SYT9: variants seen among roughly 807,000 people sequenced by gnomAD.
SYT9 encodes the protein synaptotagmin 9.
A neutral mutation model predicts 48.4 loss-of-function variants in SYT9; 22 were observed. The observed-to-expected ratio is 0.45, with a 90% CI of 0.32 to 0.65. The LOEUF (loss-of-function observed/expected upper bound fraction) is 0.65. Among genes scored for constraint, SYT9 ranks in the 30% least tolerant of loss-of-function variants. The pLI is 0.03. For synonymous variants in SYT9, 265 were observed against 245.0 expected (o/e 1.08, Z -0.76); for missense variants, 577 against 622.0 (o/e 0.93, Z 0.77).
At chr11:7,247,586 T>TGTATATATACGTATATATACATATATAC (rs1847807783), upstream of SYT9, among the ~76,000 whole-genome samples, 1 of 147,390 alleles carries the variant, frequency 6.8e-6, no homozygotes, top group Non-Finnish European at 1.5e-5. Flanking sequence ...TACATATATA[T>TGTATATATACGTATATATACATATATAC]GTGTATATAT....
chr11:7,343,212 C>G (rs1485881687), intron 3 of SYT9, among the ~76,000 whole-genome samples: 2 of 152,232 alleles, frequency 1.3e-5, no homozygotes, highest in Non-Finnish European at 2.9e-5. Context: ...ATGCAAATTT[C>G]TACAGCAGGC....
chr11:7,349,240 G>T (rs187166448), intron 3 of SYT9, among the ~76,000 whole-genome samples: 1 of 152,076 alleles, frequency 6.6e-6, no homozygotes, highest in Admixed American at 6.5e-5. Flanking sequence ...TCTAGTTGGG[G>T]TGATGCCAGC....
At chr11:7,447,858 G>C (rs1445134085) in intron 6 of SYT9, among the ~76,000 whole-genome samples, 1 of 152,212 alleles carries the variant, frequency 6.6e-6, no homozygotes, top group Non-Finnish European at 1.5e-5. Context: ...TAGGTGCCCA[G>C]TGTTGGCTGA....
chr11:7,412,424 C>A (rs762528764), intron 3 of SYT9, among the ~76,000 whole-genome samples: 2 of 152,176 alleles, frequency 1.3e-5, no homozygotes, highest in African/African-American at 2.4e-5. Context: ...AGCGTAGTTT[C>A]TGTATGATCT....
chr11:7,468,687 A>T lies in SYT9; in HGVS notation c.*1887A>T, dbSNP rs79676614. On this transcript the variant is annotated 3_prime_UTR_variant, in exon 7 of 7. Coordinates refer to ENST00000318881, the MANE Select transcript of SYT9 (RefSeq NM_175733.4). ...CAGGCAGCAATCCCAATAAATTCTG[A>T]CATGTCCTTGGCAATGGAAGCCTGG... 91 of 173,606 alleles carry T rather than the reference A, an allele frequency of 5.2e-4. No individual in the cohort carries two copies. The highest frequency in any genetic ancestry group is 2.0e-3 in the African/African-American group (86 of 42,504). 10.8% of individuals were successfully genotyped at this position (173,606 alleles called of 1,614,324 possible). A position where few individuals can be genotyped will look rare whatever the true frequency, so the allele number is the denominator to read the frequency against.
intron 3 of SYT9, among the ~76,000 whole-genome samples, chr11:7,385,826 T>C (rs1222069510): frequency 1.3e-5 from 2 of 152,182 alleles, no homozygotes; most frequent in African/African-American, 4.8e-5. Context: ...GGAGAGCAAA[T>C]GTTTCTACTT....
intron 6 of SYT9, chr11:7,465,827 GA>G: frequency 5.5e-6 from 1 of 182,492 alleles, no homozygotes; most frequent in Non-Finnish European, 1.1e-5. Context: ...AGCAGCAAGA[GA>G]AAATGAGGAA....
chr11:7,301,848 G>A (rs1363074285), intron 1 of SYT9, among the ~76,000 whole-genome samples: 1 of 152,152 alleles, frequency 6.6e-6, no homozygotes, highest in African/African-American at 2.4e-5. Flanking sequence ...TGCCAGAAAT[G>A]CATTCAGATT....
chr11:7,285,118 A>C (rs1848572852), intron 1 of SYT9, among the ~76,000 whole-genome samples: 1 of 152,152 alleles, frequency 6.6e-6, no homozygotes, highest in African/African-American at 2.4e-5. Context: ...CCTATTTCAT[A>C]GGAATTTGGG....
chr11:7,268,765 C>A (rs1848239721), intron 1 of SYT9, among the ~76,000 whole-genome samples: 1 of 151,992 alleles, frequency 6.6e-6, no homozygotes, highest in Admixed American at 6.6e-5. Context: ...TTGTAGAGTT[C>A]ACTCTGAAAG....
intron 3 of SYT9, among the ~76,000 whole-genome samples, chr11:7,393,754 C>G (rs1428362314): frequency 6.6e-6 from 1 of 151,896 alleles, no homozygotes; most frequent in Non-Finnish European, 1.5e-5. Flanking sequence ...TTTTTTATTA[C>G]TGATTCAATT....
intron 3 of SYT9, among the ~76,000 whole-genome samples, chr11:7,399,539 G>A (rs1846837720): frequency 6.6e-6 from 1 of 152,222 alleles, no homozygotes; most frequent in Admixed American, 6.5e-5. Flanking sequence ...TGGTAATAAA[G>A]CATATGCTGA....
intron 1 of SYT9, among the ~76,000 whole-genome samples, chr11:7,269,195 G>T (rs188403853): frequency 1.3e-5 from 2 of 151,956 alleles, no homozygotes; most frequent in East Asian, 1.9e-4. Flanking sequence ...ATCTGGTAAA[G>T]ACAGCATTTC....
intron 1 of SYT9, among the ~76,000 whole-genome samples, chr11:7,241,606 TG>T (rs1204365163): frequency 3.9e-5 from 6 of 152,214 alleles, no homozygotes; most frequent in African/African-American, 1.4e-4. Context: ...AATTGCCGAT[TG>T]ATTAATTAGG....
At chr11:7,394,360 A>G (rs2134065426) in intron 3 of SYT9, among the ~76,000 whole-genome samples, 2 of 152,226 alleles carry the variant, frequency 1.3e-5, no homozygotes, top group South Asian at 2.1e-4. Context: ...CTAGTCTATC[A>G]TTGTTGGACA....
At chr11:7,354,020 A>G (rs969623626) in intron 3 of SYT9, among the ~76,000 whole-genome samples, 5 of 152,250 alleles carry the variant, frequency 3.3e-5, no homozygotes, top group African/African-American at 1.2e-4. Context: ...TATGAACCAA[A>G]TATGGTGAAT....
intron 1 of SYT9, among the ~76,000 whole-genome samples, chr11:7,274,268 A>T (rs915982200): frequency 6.7e-6 from 1 of 150,344 alleles, no homozygotes; most frequent in Admixed American, 6.7e-5. Context: ...TCTGTAATAC[A>T]CATCAGTCAT....
rs1381178829 is a variant in SYT9 at position 7,252,965 on chromosome 11, G to A, written c.145+634G>A. Among the ~76,000 whole-genome samples, 1 of 152,258 alleles carries A rather than the reference G, an allele frequency of 6.6e-6. No individual in the cohort carries two copies. The highest frequency in any genetic ancestry group is 1.5e-5 in the Non-Finnish European group (1 of 68,044). ...TGGGCCTGGGCGCTAGGCTCGACCA[G>A]CGACTACCGCCGGCCACGATGGGGT... On this transcript the variant is annotated intron_variant, in intron 1 of 6. Transcript: ENST00000318881. This position sits in a 1 kb window ranked among gnomAD's most constrained non-coding sequence, Gnocchi z 6.3.
intron 1 of SYT9, among the ~76,000 whole-genome samples, chr11:7,269,548 T>C (rs1258899519): frequency 3.3e-5 from 5 of 152,154 alleles, no homozygotes; most frequent in African/African-American, 9.7e-5. Context: ...TTGCCTTCTT[T>C]AGTGCATTAC....
Sources: gnomAD v4.1 joint callset for allele counts (sites outside exome capture counted in the v4.1 genomes callset) on GRCh38, gnomAD v4.1.1 for gene constraint, Gnocchi (gnomAD v3.1) non-coding constraint, MANE v1.5 for transcripts, NCBI Gene and HGNC (gene_info 2026-07-23, HGNC 2026-07-21) for gene names.